The following NME5 variants were observed in gnomAD, a reference collection of about 807,000 sequenced individuals.
The protein encoded by NME5 is NME/NM23 family member 5.
NME5 carries 18 observed loss-of-function variants against 21.6 expected under a neutral mutation model. That is an observed-to-expected ratio of 0.83 (90% CI 0.58 to 1.24). NME5 has a LOEUF of 1.24. Among genes scored for constraint, NME5 ranks in the 50% most tolerant of loss-of-function variants. The pLI is 0.00. For synonymous variants in NME5, 70 were observed against 80.6 expected, an observed-to-expected ratio of 0.87 and a Z score of 0.71; for missense variants, 223 against 255.4, an observed-to-expected ratio of 0.87 and a Z score of 0.86.
At chr5:138,120,512 ACAGGCATGAGC>A (rs1216710258) in intron 4 of NME5, among the ~76,000 whole-genome samples, 1 of 152,150 alleles carries the variant, frequency 6.6e-6, no homozygotes, top group East Asian at 1.9e-4. Flanking sequence ...TGCTGGGATT[ACAGGCATGAGC>A]CACCGCGCCC....
intron 4 of NME5, among the ~76,000 whole-genome samples, chr5:138,121,092 T>G (rs183484911): frequency 2.0e-5 from 3 of 151,928 alleles, no homozygotes; most frequent in Admixed American, 2.0e-4. Flanking sequence ...CTTGAGAGGC[T>G]GAGGCAGTAG....
At position 138,115,756 on chromosome 5, in the gene NME5, T is replaced by C; in HGVS notation, c.564A>G (p.Leu188=). Residue 188 remains leucine, a synonymous_variant, in exon 6 of 6, where the codon CTA becomes CTG. Transcript: ENST00000265191. The stretch of plus-strand genomic sequence containing the variant: ...GATTATTTTTCAGCAGCCAATCAGC[T>C]AGCCAAATCTATGGGAAAAAAAAAA... ...KQKPADPLIW[L]ADWLLKNNPN... The C allele has an allele frequency of 1.3e-6, 2 of 1,572,612 alleles. No homozygotes were observed. The highest frequency in any genetic ancestry group is 1.7e-6 in the Non-Finnish European group (2 of 1,166,330).
intron 4 of NME5, among the ~76,000 whole-genome samples, chr5:138,128,226 T>C (rs910654422): frequency 1.3e-5 from 2 of 152,266 alleles, no homozygotes; most frequent in Admixed American, 6.5e-5. Flanking sequence ...ATTTTTTTAA[T>C]GTTAAAAATA....
chr5:138,124,646 A>G (rs1208238667), intron 4 of NME5, among the ~76,000 whole-genome samples: 1 of 152,000 alleles, frequency 6.6e-6, no homozygotes, highest in Non-Finnish European at 1.5e-5. Flanking sequence ...TCAGCCTCCC[A>G]AGTAGCTGGG....
chr5:138,132,940 GT>G lies in NME5; in HGVS notation c.130-3473del, dbSNP rs566088397. Among the ~76,000 whole-genome samples, 367 of 145,482 alleles carry G rather than the reference GT, an allele frequency of 2.5e-3. 2 individuals carry two copies. The highest frequency in any genetic ancestry group is 0.013 in the South Asian group (59 of 4,652). The stretch of plus-strand genomic sequence containing the variant: ...TGAAACTATGATTATGCGTATTAGC[GT>G]TTTTTTTTTTTGTTTTTTCTTGCTG... On this transcript the variant is annotated intron_variant, in intron 2 of 5. Transcript: ENST00000265191.
Position 138,129,332 on chromosome 5 carries a change from GC to G in NME5, c.265del (p.Ala89ProfsTer6). 1.2e-6 allele frequency: 2 copies of G among 1,613,956 alleles called. No homozygotes were observed. Among genetic ancestry groups the G allele is most frequent in the Non-Finnish European group, 1.7e-6 (2 of 1,179,922 alleles). Reference protein sequence around the residue: ...LVAMILARHKAISYWLELLGP... With the variant: ...LVAMILARHKXISYWLELLGP... Reference sequence around the variant, plus strand: ...CAAAAGTTCTAACCAATAAGAGATGGCTTTATGTCTAGCTAATATCATGGCG... The same window carrying G: ...CAAAAGTTCTAACCAATAAGAGATGGTTTATGTCTAGCTAATATCATGGCG... On this transcript the variant is annotated frameshift_variant, in exon 3 of 6. Coordinates refer to ENST00000265191, the MANE Select transcript of NME5 (RefSeq NM_003551.3). LOFTEE classifies it high-confidence loss of function.
At chr5:138,132,371 A>C (rs971894410) in intron 2 of NME5, among the ~76,000 whole-genome samples, 2 of 152,062 alleles carry the variant, frequency 1.3e-5, no homozygotes, top group African/African-American at 4.8e-5. Context: ...AAAATTATTT[A>C]TTACTGCTGT....
chr5:138,123,941 G>A (rs1042347186), intron 4 of NME5, among the ~76,000 whole-genome samples: 5 of 143,078 alleles, frequency 3.5e-5, no homozygotes, highest in African/African-American at 5.2e-5. Flanking sequence ...ATATCTCACC[G>A]TGGTTTTGAT....
chr5:138,138,878 T>C, intron 1 of NME5, 93 bp from the exon 2 acceptor site: 1 of 1,162,668 alleles, frequency 8.6e-7, no homozygotes, highest in Non-Finnish European at 1.2e-6. Flanking sequence ...AATGTAATTA[T>C]GATTAAGAAT....
At chr5:138,126,030 C>A (rs1244114407) in intron 4 of NME5, among the ~76,000 whole-genome samples, 1 of 152,136 alleles carries the variant, frequency 6.6e-6, no homozygotes, top group Non-Finnish European at 1.5e-5. Context: ...AGTAAGAGGA[C>A]GCTCATACCA....
rs117718215 is a variant in NME5, at chr5:138,126,939, T to A, written c.436+1540A>T. On this transcript the variant is annotated intron_variant, in intron 4 of 5. Transcript: ENST00000265191. The stretch of plus-strand genomic sequence containing the variant: ...TCCAGCCTGGGTGACAGACTGAGAC[T>A]CCATCTCAAATAGATAAATAAATAA... Among the ~76,000 whole-genome samples, 97 of 152,088 alleles carry A rather than the reference T, an allele frequency of 6.4e-4. 2 individuals carry two copies. In the East Asian group the frequency reaches 0.014, roughly 23 times the overall value.
intron 4 of NME5, among the ~76,000 whole-genome samples, chr5:138,124,170 G>T (rs1314614210): frequency 6.7e-6 from 1 of 150,014 alleles, no homozygotes; most frequent in Non-Finnish European, 1.5e-5. Flanking sequence ...CTAATTTTTT[G>T]TATTTTTTTT....
chr5:138,135,350 T>C (rs1751673942), intron 2 of NME5, among the ~76,000 whole-genome samples: 1 of 150,954 alleles, frequency 6.6e-6, no homozygotes, highest in African/African-American at 2.4e-5. Flanking sequence ...TTTTTTCTTT[T>C]TCAAGACAGA....
At chr5:138,136,538 G>C (rs1337757771) in intron 2 of NME5, among the ~76,000 whole-genome samples, 5 of 151,940 alleles carry the variant, frequency 3.3e-5, no homozygotes, top group Non-Finnish European at 5.9e-5. Flanking sequence ...CAAGCCCTTT[G>C]TCTATGAGTT....
intron 2 of NME5, among the ~76,000 whole-genome samples, chr5:138,133,628 C>T (rs1751624185): frequency 6.6e-6 from 1 of 152,172 alleles, no homozygotes; most frequent in African/African-American, 2.4e-5. Context: ...AAAGGCAACA[C>T]TGCCATCTAC....
chr5:138,136,870 T>C (rs905663994), intron 2 of NME5, among the ~76,000 whole-genome samples: 1 of 152,050 alleles, frequency 6.6e-6, no homozygotes, highest in African/African-American at 2.4e-5. Flanking sequence ...CTCAAACTCC[T>C]GACCTCAGGT....
chr5:138,123,738 A>G (rs996019673), intron 4 of NME5, among the ~76,000 whole-genome samples: 18 of 152,084 alleles, frequency 1.2e-4, no homozygotes, highest in Non-Finnish European at 2.2e-4. Context: ...AGATATATAT[A>G]TCCAGCAGTG....
At chr5:138,125,945 C>A (rs1286572805) in intron 4 of NME5, among the ~76,000 whole-genome samples, 2 of 152,144 alleles carry the variant, frequency 1.3e-5, no homozygotes, top group Admixed American at 1.3e-4. Context: ...TAAGAACATG[C>A]CTTTAAATAT....
Position 138,138,748 on chromosome 5 carries a change from A to G in NME5, c.33T>C (p.Tyr11=). 1 of 1,612,836 alleles carries G rather than the reference A, an allele frequency of 6.2e-7. No individual in the cohort carries two copies. The highest frequency in any genetic ancestry group is 8.5e-7 in the Non-Finnish European group (1 of 1,179,668). ...TGATAATGGCCAGAGTTTTTTCTAC[A>G]TATATCTGAGGTGGAGGCATTGATA... MEISMPPPQI[Y]VEKTLAIIKP... Residue 11 remains tyrosine, a synonymous_variant, in exon 2 of 6, where the codon TAT becomes TAC. Transcript: ENST00000265191.
Sources: gnomAD v4.1 joint callset for allele counts (sites outside exome capture counted in the v4.1 genomes callset) on GRCh38, gnomAD v4.1.1 for gene constraint, MANE v1.5 for transcripts, NCBI Gene and HGNC (gene_info 2026-07-23, HGNC 2026-07-21) for gene names.